Variants in CENPF observed in about 807,000 individuals in gnomAD.
The protein encoded by CENPF is AH antigen.
A neutral mutation model predicts 307.3 loss-of-function variants in CENPF; 214 were observed. The observed-to-expected ratio is 0.70, with a 90% CI of 0.62 to 0.78. The LOEUF (loss-of-function observed/expected upper bound fraction) is 0.78. Among genes scored for constraint, CENPF ranks in the 30% least tolerant of loss-of-function variants. The pLI is 0.00. For missense variants in CENPF, 3,401 were observed against 3,483.9 expected (o/e 0.98, Z 0.60); for synonymous variants, 1,259 against 1,270.6 (o/e 0.99, Z 0.19).
At chr1:214,653,083 T>G (rs567605500) in intron 16 of CENPF, 94 bp downstream of exon 16, 1 of 1,260,918 alleles carries the variant, frequency 7.9e-7, no homozygotes, top group African/African-American at 1.5e-5. Context: ...CATTTTCATT[T>G]TATGAAAATT....
rs1272004763 is a variant in CENPF at position 214,664,271 on chromosome 1, T to A, written c.*477T>A. 6.4e-6 allele frequency: 1 copy of A among 156,056 alleles called. No individual in the cohort carries two copies. Among genetic ancestry groups the A allele is most frequent in the Non-Finnish European group, 1.4e-5 (1 of 70,534 alleles). The allele number at this position is 156,056 out of a possible 1,614,324, so 9.7% of individuals were successfully genotyped here. A position where few individuals can be genotyped will look rare whatever the true frequency, so the allele number is the denominator to read the frequency against. ...CTGAGTAAAATGAAGGAAAAGCATG[T>A]TATGTGTTTTTAAGGAAAATGTGCA... On this transcript the variant is annotated 3_prime_UTR_variant, in exon 20 of 20. Transcript: ENST00000366955.
At chr1:214,616,404 C>T (rs187312569) in intron 3 of CENPF, among the ~76,000 whole-genome samples, 1 of 152,268 alleles carries the variant, frequency 6.6e-6, no homozygotes, top group East Asian at 1.9e-4. Flanking sequence ...AGACCTGCAA[C>T]GTCCAATATG....
In CENPF at chr1:214,613,402, C is replaced by A. The variant is rs115736692; in HGVS notation, c.-41-312C>A. ...TGATCCTGTGGTGACTGCCATCTTG[C>A]ATCACTGTTGCCCCATGTTTTGTAT... On this transcript the variant is annotated intron_variant, in intron 1 of 19. Transcript: ENST00000366955. The A allele has an allele frequency of 6.2e-3, 1,207 of 194,732 alleles. 16 individuals are homozygous for A. The highest frequency in any genetic ancestry group is 0.027 in the African/African-American group (1,147 of 42,802). 12.1% of individuals were successfully genotyped at this position (194,732 alleles called of 1,614,324 possible).
At chr1:214,609,268 G>C (rs1294336453) in intron 1 of CENPF, among the ~76,000 whole-genome samples, 1 of 152,134 alleles carries the variant, frequency 6.6e-6, no homozygotes, top group Non-Finnish European at 1.5e-5. Flanking sequence ...TGTCTGTCTG[G>C]AGCATGACTT....
At chr1:214,634,720 G>A (rs770773013) in intron 10 of CENPF, among the ~76,000 whole-genome samples, 10 of 152,238 alleles carry the variant, frequency 6.6e-5, no homozygotes, top group Admixed American at 1.3e-4. Flanking sequence ...GGCACAGAAA[G>A]TGTGATCAGG....
intron 18 of CENPF, among the ~76,000 whole-genome samples, 162 bp from the exon 19 acceptor site, chr1:214,658,688 C>T (rs1008208708): frequency 1.3e-5 from 2 of 152,162 alleles, no homozygotes; most frequent in Admixed American, 6.5e-5. Flanking sequence ...AATTTGGTGA[C>T]TCCCAGGGCA....
chr1:214,651,859 G>T lies in CENPF; in HGVS notation c.8133G>T (p.Gln2711His), dbSNP rs1658471120. The T allele has an allele frequency of 6.2e-7, 1 of 1,608,366 alleles. No individual in the cohort carries two copies. Among genetic ancestry groups the T allele is most frequent in the African/African-American group, 1.3e-5 (1 of 74,322 alleles). ...LRLHEAEKKH[Q>H]ALLLDTNKQY... ...TTCATGAAGCTGAAAAGAAACACCA[G>T]GCTTTGCTTTTGGACACAAACAAAC... Residue 2711 changes from glutamine to histidine, a missense_variant, in exon 15 of 20, where the codon CAG (glutamine) becomes CAT (histidine). Gln to His is a conservative substitution (Grantham distance 24). Coordinates refer to ENST00000366955, the MANE Select transcript of CENPF (RefSeq NM_016343.4).
intron 10 of CENPF, among the ~76,000 whole-genome samples, chr1:214,635,248 C>T (rs1457058719): frequency 1.3e-5 from 2 of 152,224 alleles, no homozygotes; most frequent in African/African-American, 4.8e-5. Flanking sequence ...ATAGGCTTCG[C>T]CCAGCAGGGG....
In CENPF at chr1:214,655,365, T is replaced by C; in HGVS notation, c.8447T>C (p.Leu2816Pro). The C allele has an allele frequency of 6.2e-7, 1 of 1,607,568 alleles. No individual in the cohort carries two copies. Among genetic ancestry groups the C allele is most frequent in the Non-Finnish European group, 8.5e-7 (1 of 1,177,406 alleles). The change falls in exon 17 of 20, where the codon CTC becomes CCC. Residue 2816 changes from leucine (L) to proline (P), a missense_variant. Physicochemically the swap from Leu to Pro is moderately conservative, Grantham distance 98 (BLOSUM62 -3). Transcript: ENST00000366955. ...GAAAAGGAGATACTGCAGAAAGAAC[T>C]CTCTCAACTTCAAGCTGCACAGGAG... is the stretch of plus-strand genomic sequence containing the variant. ...EEEKEILQKE[L>P]SQLQAAQEKQ...
intron 18 of CENPF, among the ~76,000 whole-genome samples, chr1:214,658,412 C>T (rs778378544): frequency 5.0e-4 from 76 of 152,148 alleles, no homozygotes; most frequent in Middle Eastern, 3.4e-3. Context: ...CCTGAAGTAG[C>T]TGTTACCATT....
At chr1:214,606,025 C>T (rs1571689237) in intron 1 of CENPF, 1 of 1,596,348 alleles carries the variant, frequency 6.3e-7, no homozygotes. Context: ...CCACGGTGGG[C>T]ACCGTGCCGA....
At chr1:214,608,540 AGGAGACGCGGTTGCGGC>A (rs1242136091) in intron 1 of CENPF, 25 of 1,611,600 alleles carry the variant, frequency 1.6e-5, no homozygotes, top group Non-Finnish European at 2.1e-5. Flanking sequence ...ACATACATGC[AGGAGACGCGGTTGCGGC>A]GGGCGCTCTT....
chr1:214,626,258 A>G lies in CENPF; in HGVS notation c.1069-2788A>G, dbSNP rs534863240. ...GACAGTCCTTTTTTCCCAGTGCCAT[A>G]GTGTTTTTCTTCAGGTCCTCAGCTC... On this transcript the variant is annotated intron_variant, in intron 7 of 19. Coordinates refer to ENST00000366955, the MANE Select transcript of CENPF (RefSeq NM_016343.4). Among the ~76,000 whole-genome samples the G allele has an allele frequency of 3.9e-5, 6 of 152,182 alleles. No homozygotes were observed. In the East Asian group the frequency reaches 1.2e-3, roughly 29 times the overall value.
intron 5 of CENPF, among the ~76,000 whole-genome samples, chr1:214,619,492 C>T (rs1052400325): frequency 1.9e-4 from 29 of 152,132 alleles, no homozygotes; most frequent in Admixed American, 3.9e-4. Context: ...TAAGACCTAG[C>T]GATCAGGGCT....
intron 10 of CENPF, among the ~76,000 whole-genome samples, chr1:214,635,163 C>G (rs1436350999): frequency 5.3e-5 from 8 of 152,198 alleles, no homozygotes; most frequent in Non-Finnish European, 1.2e-4. Context: ...CTCTAAGGAG[C>G]TGGCTCTGGC....
Position 214,644,593 on chromosome 1 carries a change from A to G in CENPF, c.5023A>G (p.Lys1675Glu). The change falls in exon 13 of 20, where the codon AAA becomes GAA. Residue 1675 changes from lysine to glutamate, a missense_variant. Coordinates refer to ENST00000366955, the MANE Select transcript of CENPF (RefSeq NM_016343.4). ...QGRNESCDIS[K>E]EHTSETTERT... ...CCGAAATGAGAGCTGTGACATATCA[A>G]AAGAACATACTTCAGAAACTACAGA... The G allele has an allele frequency of 2.5e-6, 4 of 1,611,328 alleles. No individual in the cohort carries two copies. Among genetic ancestry groups the G allele is most frequent in the Non-Finnish European group, 3.4e-6 (4 of 1,178,434 alleles).
intron 1 of CENPF, chr1:214,608,774 C>T (rs1362442470): frequency 1.9e-6 from 3 of 1,600,512 alleles, no homozygotes; most frequent in Non-Finnish European, 1.7e-6. Context: ...AGCTTGGCAG[C>T]GATGCGGCCG....
At position 214,614,895 on chromosome 1, in the gene CENPF, T is replaced by C; in HGVS notation, c.226T>C (p.Cys76Arg). Residue 76 changes from cysteine to arginine, a missense_variant, in exon 3 of 20, where the codon TGT becomes CGT. Transcript: ENST00000366955. ...GGAGAATCAAAGATTGATGGAAATA[T>C]GTGAAAGTCTGGAGAAAACTAAGCA... ...KRENQRLMEI[C>R]ESLEKTKQKI... 1.2e-6 allele frequency: 2 copies of C among 1,609,514 alleles called. No individual in the cohort carries two copies. The highest frequency in any genetic ancestry group is 2.2e-5 in the East Asian group (1 of 44,664).
chr1:214,646,996 G>A lies in CENPF; in HGVS notation c.7426G>A (p.Glu2476Lys). The change falls in exon 13 of 20, where the codon GAG (glutamate) becomes AAG (lysine). Residue 2476 changes from glutamate to lysine, a missense_variant. Coordinates refer to ENST00000366955, the MANE Select transcript of CENPF (RefSeq NM_016343.4). ...AGAGCAGAATCTTAGTAGTCAAGTAGAGTGTCTTGAACTTGAGAAGGCTCA... is the reference window on the plus strand; with the variant it reads ...AGAGCAGAATCTTAGTAGTCAAGTAAAGTGTCTTGAACTTGAGAAGGCTCA... ...AKEQNLSSQVECLELEKAQLL... is the reference protein window; with the variant it reads ...AKEQNLSSQVKCLELEKAQLL... 6.2e-7 allele frequency: 1 copy of A among 1,613,984 alleles called. No individual in the cohort carries two copies. Among genetic ancestry groups the A allele is most frequent in the South Asian group, 1.1e-5 (1 of 91,060 alleles).
Sources: allele counts gnomAD v4.1 joint callset (sites outside exome capture counted in the v4.1 genomes callset), GRCh38; gene constraint gnomAD v4.1.1; transcripts MANE v1.5; gene names NCBI Gene and HGNC (gene_info 2026-07-23, HGNC 2026-07-21).